Variants in CLRN1 observed in about 807,000 individuals in gnomAD.
CLRN1 encodes clarin 1, also known as clarin-1.
CLRN1 carries 15 observed loss-of-function variants against 18.7 expected under a neutral mutation model. That is an observed-to-expected ratio of 0.80 (90% CI 0.54 to 1.23). CLRN1 has a LOEUF of 1.23. Ranked by LOEUF, CLRN1 falls within the 50% of genes most tolerant of loss-of-function variation. CLRN1 has a pLI of 0.00. For synonymous variants in CLRN1, 104 were observed against 102.9 expected, an observed-to-expected ratio of 1.01 and a Z score of -0.07; for missense variants, 311 against 277.5, an observed-to-expected ratio of 1.12 and a Z score of -0.86.
At position 150,935,605 on chromosome 3, in the gene CLRN1, A is replaced by T. The variant is rs1294588260; in HGVS notation, c.433+5977T>A. 2.0e-5 allele frequency among the ~76,000 whole-genome samples: 3 copies of T among 149,680 alleles called. No homozygotes were observed. The Admixed American group carries it at 2.0e-4, about 10-fold the overall frequency. On this transcript the variant is annotated intron_variant, in intron 2 of 2. Coordinates refer to ENST00000327047, the MANE Select transcript of CLRN1 (RefSeq NM_174878.3). ...TTGTGAATAGTGCCGCAATAAACAT[A>T]CATGTGCATGTGTCTTTATAGCAGC...
chr3:150,935,677 G>A (rs1463258400), intron 2 of CLRN1, among the ~76,000 whole-genome samples: 1 of 151,466 alleles, frequency 6.6e-6, no homozygotes, highest in Non-Finnish European at 1.5e-5. Context: ...GGATGGCTGG[G>A]TCAAATGGTA....
At chr3:150,945,370 G>A (rs1379991384) in intron 1 of CLRN1, among the ~76,000 whole-genome samples, 2 of 152,228 alleles carry the variant, frequency 1.3e-5, no homozygotes, top group African/African-American at 4.8e-5. Flanking sequence ...AATGTTTCAA[G>A]GAGGAGTAAG....
intron 1 of CLRN1, chr3:150,943,765 CTA>C: frequency 1.9e-6 from 3 of 1,612,942 alleles, no homozygotes; most frequent in Non-Finnish European, 2.5e-6. Flanking sequence ...GATGGCAGAG[CTA>C]CGAGAGCATT....
chr3:150,944,427 G>A (rs1350394798), intron 1 of CLRN1, among the ~76,000 whole-genome samples: 3 of 152,012 alleles, frequency 2.0e-5, no homozygotes, highest in Non-Finnish European at 4.4e-5. Flanking sequence ...ATCACAAGGG[G>A]GTGGGGAAGA....
intron 1 of CLRN1, among the ~76,000 whole-genome samples, chr3:150,958,995 C>T (rs998977652): frequency 6.6e-6 from 1 of 152,186 alleles, no homozygotes; most frequent in Non-Finnish European, 1.5e-5. Flanking sequence ...TCCAGCCAAT[C>T]TCCAAAAAAT....
chr3:150,954,650 GT>G (rs1714651075), intron 1 of CLRN1, among the ~76,000 whole-genome samples: 1 of 152,084 alleles, frequency 6.6e-6, no homozygotes, highest in Admixed American at 6.6e-5. Context: ...TATGTATCAT[GT>G]TTCAAATGTC....
intron 2 of CLRN1, among the ~76,000 whole-genome samples, chr3:150,932,771 A>G (rs1043283099): frequency 3.9e-5 from 6 of 152,198 alleles, no homozygotes; most frequent in African/African-American, 9.6e-5. Flanking sequence ...CTGACTCTAC[A>G]CTGCTCCAGA....
intron 1 of CLRN1, among the ~76,000 whole-genome samples, chr3:150,965,528 T>C (rs1039644701): frequency 2.0e-5 from 3 of 152,180 alleles, no homozygotes; most frequent in African/African-American, 7.2e-5. Context: ...ACCCACCCAA[T>C]ATTTTTTTCT....
chr3:150,946,950 ATGT>A (rs1714210501), intron 1 of CLRN1, among the ~76,000 whole-genome samples: 2 of 130,464 alleles, frequency 1.5e-5, no homozygotes, highest in East Asian at 4.6e-4. Flanking sequence ...TCCTCTGTCC[ATGT>A]GATCTCATTT....
chr3:150,927,927 G>T lies in CLRN1; in HGVS notation c.*9C>A. Reference sequence around the variant, plus strand: ...TACTCCCTTGTAAAATTATAGAAAGGTTTGCCTTTCAGTACATTAGATCTG... The same window carrying T: ...TACTCCCTTGTAAAATTATAGAAAGTTTTGCCTTTCAGTACATTAGATCTG... On this transcript the variant is annotated 3_prime_UTR_variant, in exon 3 of 3. Transcript: ENST00000327047. 1.2e-6 allele frequency: 2 copies of T among 1,613,936 alleles called. No individual in the cohort carries two copies. The highest frequency in any genetic ancestry group is 1.7e-6 in the Non-Finnish European group (2 of 1,179,974).
At chr3:150,950,516 A>G (rs1277496569) in intron 1 of CLRN1, among the ~76,000 whole-genome samples, 1 of 152,260 alleles carries the variant, frequency 6.6e-6, no homozygotes, top group Admixed American at 6.5e-5. Flanking sequence ...ACACTTTTCA[A>G]AAGAAGATGT....
intron 1 of CLRN1, among the ~76,000 whole-genome samples, chr3:150,948,483 C>CAAAAAA (rs55846714): frequency 1.1e-4 from 6 of 54,386 alleles, no homozygotes; most frequent in African/African-American, 1.9e-4. Flanking sequence ...GACTCCGTCT[C>CAAAAAA]AAAAAAAAAA....
intron 1 of CLRN1, among the ~76,000 whole-genome samples, chr3:150,948,937 A>C (rs1331662904): frequency 6.6e-6 from 1 of 152,218 alleles, no homozygotes; most frequent in African/African-American, 2.4e-5. Flanking sequence ...ATCCGTGATG[A>C]ACATCAATGC....
intron 1 of CLRN1, among the ~76,000 whole-genome samples, chr3:150,957,115 C>G (rs1289837138): frequency 6.6e-6 from 1 of 152,072 alleles, no homozygotes; most frequent in Non-Finnish European, 1.5e-5. Context: ...TCAGACTCAT[C>G]CTTTCTCATC....
rs536836155 is a variant in CLRN1, at chr3:150,956,220, T to C, written c.254-14459A>G. On this transcript the variant is annotated intron_variant, in intron 1 of 2. Coordinates refer to ENST00000327047, the MANE Select transcript of CLRN1 (RefSeq NM_174878.3). Reference sequence around the variant, plus strand: ...TGGGGGATAAGTGGGAATAACCTTTTTGGGTGAATTCCCAGGAAAGGGATT... The same window carrying C: ...TGGGGGATAAGTGGGAATAACCTTTCTGGGTGAATTCCCAGGAAAGGGATT... Among the ~76,000 whole-genome samples the C allele has an allele frequency of 6.1e-4, 93 of 152,318 alleles. 1 individual carries two copies. The South Asian group carries it at 6.4e-3, about 11-fold the overall frequency.
chr3:150,939,707 A>G (rs928489684), intron 2 of CLRN1, among the ~76,000 whole-genome samples: 2 of 152,190 alleles, frequency 1.3e-5, no homozygotes, highest in African/African-American at 4.8e-5. Context: ...ACTGCTTTAC[A>G]TTCCTTCTGT....
chr3:150,972,698 T>G lies in CLRN1; in HGVS notation c.11A>C (p.Gln4Pro). The G allele has an allele frequency of 6.2e-7, 1 of 1,614,228 alleles. No individual in the cohort carries two copies. Among genetic ancestry groups the G allele is most frequent in the Non-Finnish European group, 8.5e-7 (1 of 1,180,050 alleles). ...CATGCAAAAAATGATTTTCTTCTGTTGGCTTGGCATGATGAGAAACGGCTT... is the reference window on the plus strand; with the variant it reads ...CATGCAAAAAATGATTTTCTTCTGTGGGCTTGGCATGATGAGAAACGGCTT... MPS[Q>P]QKKIIFCMAG... is the part of the protein sequence containing the mutation. The change falls in exon 1 of 3, where the codon CAA becomes CCA. Residue 4 changes from glutamine to proline, a missense_variant. Physicochemically the swap from Gln to Pro is moderately conservative, Grantham distance 76 (BLOSUM62 -1). Transcript: ENST00000327047.
rs1445326465 is a variant in CLRN1, at chr3:150,927,389, T to C, written c.*547A>G. ...ATCTTCCCACCTTGGCCTCCTGAAG[T>C]GCTGGAATTACAGGTGTGAGTCACC... On this transcript the variant is annotated 3_prime_UTR_variant, in exon 3 of 3. Coordinates refer to ENST00000327047, the MANE Select transcript of CLRN1 (RefSeq NM_174878.3). 2.2e-6 allele frequency: 1 copy of C among 444,562 alleles called. No individual in the cohort carries two copies. Among genetic ancestry groups the C allele is most frequent in the East Asian group, 7.1e-5 (1 of 14,060 alleles). 27.5% of individuals were successfully genotyped at this position (444,562 alleles called of 1,614,324 possible).
At chr3:150,954,095 T>A (rs1576639860) in intron 1 of CLRN1, among the ~76,000 whole-genome samples, 1 of 152,218 alleles carries the variant, frequency 6.6e-6, no homozygotes, top group Non-Finnish European at 1.5e-5. Context: ...ATAATCAAGA[T>A]ATAGAACAAT....
Sources: gnomAD v4.1 joint callset for allele counts (sites outside exome capture counted in the v4.1 genomes callset) on GRCh38, gnomAD v4.1.1 for gene constraint, MANE v1.5 for transcripts, NCBI Gene and HGNC (gene_info 2026-07-23, HGNC 2026-07-21) for gene names.